KNTC1: variants seen among roughly 807,000 people sequenced by gnomAD.
KNTC1 encodes the protein kinetochore-associated protein 1.
KNTC1 carries 253 observed loss-of-function variants against 314.4 expected under a neutral mutation model. The ratio of observed to expected loss-of-function variants is 0.80; its 90% confidence interval spans 0.73 to 0.89. The LOEUF (loss-of-function observed/expected upper bound fraction) is 0.89, where lower values mean the gene tolerates loss of function less well. Ranked by LOEUF, KNTC1 falls within the 40% of genes least tolerant of loss-of-function variation. The pLI is 0.00. For missense variants in KNTC1, 2,475 were observed against 2,572.9 expected (o/e 0.96, Z 0.82); for synonymous variants, 901 against 901.4 (o/e 1.00, Z 0.01).
intron 5 of KNTC1, among the ~76,000 whole-genome samples, 170 bp from the exon 6 acceptor site, chr12:122,541,880 A>G (rs144712132): frequency 0.036 from 5,392 of 151,402 alleles, 343 homozygotes; most frequent in African/African-American, 0.12. Context: ...TTAGCTGGGC[A>G]TGGTGGTGCA....
rs781753461 is a variant in KNTC1, at chr12:122,591,359, A to G, written c.4151A>G (p.Glu1384Gly). 1.2e-6 allele frequency: 2 copies of G among 1,607,958 alleles called. No individual in the cohort carries two copies. Among genetic ancestry groups the G allele is most frequent in the South Asian group, 2.2e-5 (2 of 90,932 alleles). The change falls in exon 42 of 64, where the codon GAG (glutamate) becomes GGG (glycine). Residue 1384 changes from glutamate to glycine, a missense_variant. By Grantham distance (98) the Glu-to-Gly change is moderately conservative. Coordinates refer to ENST00000333479, the MANE Select transcript of KNTC1 (RefSeq NM_014708.6). ...KILAISLVGS[E>G]LASLYQEIEM... ...TAGGCAATATCTCTGGTGGGCTCTGAGCTGGCAAGTCTCTATCAGGAAATA... is the reference window on the plus strand; with the variant it reads ...TAGGCAATATCTCTGGTGGGCTCTGGGCTGGCAAGTCTCTATCAGGAAATA...
chr12:122,610,250 T>G (rs1357182176), intron 52 of KNTC1, among the ~76,000 whole-genome samples: 1 of 152,166 alleles, frequency 6.6e-6, no homozygotes, highest in Non-Finnish European at 1.5e-5. Context: ...TATGTCTACC[T>G]GAACTAGGCA....
chr12:122,547,235 C>T (rs1010707387), intron 10 of KNTC1, among the ~76,000 whole-genome samples, 180 bp from the exon 11 acceptor site: 5 of 151,416 alleles, frequency 3.3e-5, no homozygotes, highest in Admixed American at 6.6e-5. Flanking sequence ...ATTAGCTGGG[C>T]GTGGTGGTGG....
At chr12:122,608,437 G>T (rs1276295070) in intron 51 of KNTC1, among the ~76,000 whole-genome samples, 2 of 152,010 alleles carry the variant, frequency 1.3e-5, no homozygotes, top group Admixed American at 1.3e-4. Context: ...GCCACCATTA[G>T]GTTTTTAATT....
chr12:122,543,421 G>A (rs866838039), intron 6 of KNTC1, among the ~76,000 whole-genome samples, 179 bp from the exon 7 acceptor site: 9 of 152,184 alleles, frequency 5.9e-5, no homozygotes, highest in Middle Eastern at 3.2e-3. Context: ...AGAGGTACTG[G>A]CTGGTGCCCT....
chr12:122,584,860 T>TC (rs768094978), intron 35 of KNTC1, 33 bp from the exon 36 acceptor site: 326 of 1,060,590 alleles, frequency 3.1e-4, no homozygotes, highest in Non-Finnish European at 3.4e-4. Context: ...ACATGAAATA[T>TC]GAGTTTAATG....
rs1309036709 is a variant in KNTC1 at position 122,587,184 on chromosome 12, T to C, written c.3730+427T>C. Among the ~76,000 whole-genome samples the C allele has an allele frequency of 2.0e-5, 3 of 152,150 alleles. No homozygotes were observed. In the East Asian group the frequency reaches 5.8e-4, roughly 29 times the overall value. ...GTCCTGGTTACTTGGGAGGCTGAGG[T>C]GGGAGGATCTCTTGAGCCCAGGAGG... On this transcript the variant is annotated intron_variant, in intron 38 of 63. Transcript: ENST00000333479.
chr12:122,599,916 G>A (rs1230867067), intron 44 of KNTC1, among the ~76,000 whole-genome samples: 2 of 152,136 alleles, frequency 1.3e-5, no homozygotes, highest in Non-Finnish European at 2.9e-5. Flanking sequence ...TATTTGGGAA[G>A]CTGAAGAGGG....
At chr12:122,548,281 T>C (rs898126452) in intron 12 of KNTC1, among the ~76,000 whole-genome samples, 3 of 152,134 alleles carry the variant, frequency 2.0e-5, no homozygotes, top group Non-Finnish European at 4.4e-5. Flanking sequence ...CAATCTCGGC[T>C]CACTGCAACC....
Position 122,585,762 on chromosome 12 carries a change from G to C in KNTC1, c.3661G>C (p.Val1221Leu). 6.2e-7 allele frequency: 1 copy of C among 1,613,656 alleles called. No homozygotes were observed. The highest frequency in any genetic ancestry group is 8.5e-7 in the Non-Finnish European group (1 of 1,179,690). Residue 1221 changes from valine to leucine, a missense_variant, in exon 37 of 64, where the codon GTG becomes CTG. Physicochemically the swap from Val to Leu is conservative, Grantham distance 32. Transcript: ENST00000333479. ...GATTTATGAACTGATTTCATCTCTT[G>C]TGCCTCTAGCTGGTAAGTCTTATTT... ...PVIYELISSL[V>L]PLAESKRYPL...
At chr12:122,528,857 C>T (rs1237209425) in intron 1 of KNTC1, among the ~76,000 whole-genome samples, 1 of 135,736 alleles carries the variant, frequency 7.4e-6, no homozygotes, top group African/African-American at 3.1e-5. Context: ...TATTTTTTTT[C>T]CAAGACGGAG....
intron 16 of KNTC1, among the ~76,000 whole-genome samples, chr12:122,557,007 C>T (rs1308601146): frequency 6.7e-6 from 1 of 149,456 alleles, no homozygotes; most frequent in Non-Finnish European, 1.5e-5. Flanking sequence ...TGTCCTGCCT[C>T]GGCCTCCTGA....
chr12:122,586,712 T>C lies in KNTC1; in HGVS notation c.3685T>C (p.Tyr1229His), dbSNP rs915532935. 1 of 1,480,232 alleles carries C rather than the reference T, an allele frequency of 6.8e-7. No individual in the cohort carries two copies. Among genetic ancestry groups the C allele is most frequent in the Admixed American group, 2.0e-5 (1 of 49,906 alleles). The allele number at this position is 1,480,232 out of a possible 1,614,324, so 91.7% of individuals were successfully genotyped here. Residue 1229 changes from tyrosine (Y) to histidine (H), a missense_variant, in exon 38 of 64, where the codon TAT (tyrosine) becomes CAT (histidine). Physicochemically the swap from Tyr to His is moderately conservative, Grantham distance 83. Coordinates refer to ENST00000333479, the MANE Select transcript of KNTC1 (RefSeq NM_014708.6). ...SLVPLAESKR[Y>H]PLESTSLPYC... ...ATTATCTTTTGTAGAAAGCAAGAGATATCCCTTGGAGTCTACCAGTTTGCC... is the reference window on the plus strand; with the variant it reads ...ATTATCTTTTGTAGAAAGCAAGAGACATCCCTTGGAGTCTACCAGTTTGCC...
chr12:122,536,044 C>G (rs1961791154), intron 3 of KNTC1, among the ~76,000 whole-genome samples: 1 of 149,036 alleles, frequency 6.7e-6, no homozygotes, highest in African/African-American at 2.5e-5. Flanking sequence ...CAGGCGCCCA[C>G]CACCATGCCT....
chr12:122,568,298 G>C lies in KNTC1; in HGVS notation c.1642G>C (p.Asp548His). 1 of 1,585,340 alleles carries C rather than the reference G, an allele frequency of 6.3e-7. No individual in the cohort carries two copies. The highest frequency in any genetic ancestry group is 1.1e-5 in the South Asian group (1 of 89,084). The change falls in exon 21 of 64, where the codon GAT (aspartate) becomes CAT (histidine). Residue 548 changes from aspartate to histidine, a missense_variant. Transcript: ENST00000333479. The stretch of plus-strand genomic sequence containing the variant: ...GATTGAATTTCTAAATAATGAAGAT[G>C]ATCTTAAAGATATTTTTTTACAGCT... ...SWIEFLNNED[D>H]LKDIFLQLKE... is the part of the protein sequence containing the mutation.
Position 122,548,390 on chromosome 12 carries a change from A to G in KNTC1, c.987+421A>G, listed in dbSNP as rs1314280135. On this transcript the variant is annotated intron_variant, in intron 12 of 63. Coordinates refer to ENST00000333479, the MANE Select transcript of KNTC1 (RefSeq NM_014708.6). Reference sequence around the variant, plus strand: ...ACACCCAGCTAATTTTTGTACTTTTAGTAGAGATGGGGTTTCACCATTTTG... The same window carrying G: ...ACACCCAGCTAATTTTTGTACTTTTGGTAGAGATGGGGTTTCACCATTTTG... 2.0e-5 allele frequency among the ~76,000 whole-genome samples: 3 copies of G among 151,762 alleles called. No individual in the cohort carries two copies. In the East Asian group the frequency reaches 5.8e-4, roughly 29 times the overall value.
At chr12:122,614,738 A>G (rs1239741251) in intron 55 of KNTC1, among the ~76,000 whole-genome samples, 1 of 151,910 alleles carries the variant, frequency 6.6e-6, no homozygotes, top group Non-Finnish European at 1.5e-5. Flanking sequence ...AAAATTATCC[A>G]GGCATGATGG....
At chr12:122,572,170 TC>T (rs1168222911) in intron 24 of KNTC1, among the ~76,000 whole-genome samples, 1 of 152,098 alleles carries the variant, frequency 6.6e-6, no homozygotes, top group African/African-American at 2.4e-5. Context: ...GATGGGCAGA[TC>T]ATTTGAGGTC....
chr12:122,599,393 T>C (rs1871521823), intron 44 of KNTC1, among the ~76,000 whole-genome samples: 1 of 151,392 alleles, frequency 6.6e-6, no homozygotes, highest in Non-Finnish European at 1.5e-5. Context: ...GGAGTTTTGC[T>C]CTTGTTGTCC....
Sources: gnomAD v4.1 joint callset for allele counts (sites outside exome capture counted in the v4.1 genomes callset) on GRCh38, gnomAD v4.1.1 for gene constraint, MANE v1.5 for transcripts, NCBI Gene and HGNC (gene_info 2026-07-23, HGNC 2026-07-21) for gene names.